The following GPHN variants were observed in gnomAD, a reference collection of about 807,000 sequenced individuals.
The protein encoded by GPHN is gephyrin.
A neutral mutation model predicts 95.5 loss-of-function variants in GPHN; 17 were observed. The ratio of observed to expected loss-of-function variants is 0.18; its 90% CI spans 0.12 to 0.27. The LOEUF (loss-of-function observed/expected upper bound fraction) is 0.27, where lower values mean the gene tolerates loss of function less well. Among genes scored for constraint, GPHN ranks in the 10% least tolerant of loss-of-function variants. The probability of loss-of-function intolerance (pLI) is 1.00; values close to 1 mark genes in which losing one functional copy is unlikely to be tolerated. For missense variants in GPHN, 660 were observed against 978.1 expected (o/e 0.67, Z 4.34); for synonymous variants, 320 against 322.5 (o/e 0.99, Z 0.08).
chr14:67,191,415 A>G, the GPHN span, among the ~76,000 whole-genome samples: 1 of 152,208 alleles, frequency 6.6e-6, no homozygotes, highest in Non-Finnish European at 1.5e-5. Context: ...TGTAGAGGAC[A>G]TTTTAGGGGC....
the GPHN span, among the ~76,000 whole-genome samples, chr14:67,483,207 C>T: frequency 5.8e-4 from 88 of 152,238 alleles, no homozygotes; most frequent in Middle Eastern, 6.8e-3. Context: ...GACGAGGTTT[C>T]ACCATGTTGG....
the GPHN span, chr14:67,270,472 A>G: frequency 6.6e-6 from 1 of 152,084 alleles, no homozygotes; most frequent in South Asian, 2.1e-4. Flanking sequence ...AGTTGAGAAG[A>G]AAAGAATTAG....
chr14:67,538,056 G>C, the GPHN span, among the ~76,000 whole-genome samples: 2 of 152,218 alleles, frequency 1.3e-5, no homozygotes, highest in Admixed American at 1.3e-4. Flanking sequence ...GGGGACAGAG[G>C]GACTTATTGT....
At chr14:66,568,517 T>G in intron 1 of GPHN, among the ~76,000 whole-genome samples, 1 of 152,184 alleles carries the variant, frequency 6.6e-6, no homozygotes, top group South Asian at 2.1e-4. Context: ...TTTTTTATTT[T>G]ATTTTTAAAT....
the GPHN span, among the ~76,000 whole-genome samples, chr14:67,235,410 T>C: frequency 6.6e-6 from 1 of 152,010 alleles, no homozygotes; most frequent in East Asian, 1.9e-4. Context: ...ACCTACATCC[T>C]CTCTCGGAAA....
chr14:66,926,160 A>G (rs573115727), intron 8 of GPHN, among the ~76,000 whole-genome samples: 3 of 152,250 alleles, frequency 2.0e-5, no homozygotes, highest in Admixed American at 1.3e-4. Flanking sequence ...TCTCAGATGC[A>G]TAGTTTGCAA....
At position 67,092,778 on chromosome 14, in the gene GPHN, A is replaced by G. The variant is rs1056184691; in HGVS notation, c.1237+3703A>G. On this transcript the variant is annotated intron_variant, in intron 12 of 22. Transcript: ENST00000478722. ...TAAAACTGCATTCACGTGGGAGTGA[A>G]TTTGAAAGATAAAAGTAGATAAAAT... is the stretch of plus-strand genomic sequence containing the variant. Among the ~76,000 whole-genome samples, 3 of 152,288 alleles carry G rather than the reference A, an allele frequency of 2.0e-5. No individual in the cohort carries two copies. In the East Asian group the frequency reaches 5.8e-4, roughly 29 times the overall value.
intron 2 of GPHN, among the ~76,000 whole-genome samples, chr14:66,746,254 A>C (rs2058144806): frequency 6.6e-6 from 1 of 152,204 alleles, no homozygotes; most frequent in African/African-American, 2.4e-5. Flanking sequence ...AAACCCGCCA[A>C]ACTGTTTTCC....
chr14:67,154,023 T>C (rs551559745), intron 18 of GPHN, among the ~76,000 whole-genome samples: 1 of 152,300 alleles, frequency 6.6e-6, no homozygotes, highest in South Asian at 2.1e-4. Context: ...ATAAAACACT[T>C]TCATTCATTT....
At chr14:67,330,688 C>A in the GPHN span, among the ~76,000 whole-genome samples, 1 of 152,162 alleles carries the variant, frequency 6.6e-6, no homozygotes, top group African/African-American at 2.4e-5. Context: ...AAACTCCCGA[C>A]CTCAGGTGAT....
chr14:67,505,309 G>C, the GPHN span, among the ~76,000 whole-genome samples: 5 of 152,252 alleles, frequency 3.3e-5, no homozygotes, highest in East Asian at 7.7e-4. Flanking sequence ...TGGCCCTCCT[G>C]TCAAGCTGGT....
At chr14:67,244,081 A>G in the GPHN span, among the ~76,000 whole-genome samples, 4 of 152,180 alleles carry the variant, frequency 2.6e-5, no homozygotes, top group African/African-American at 9.7e-5. Context: ...AAATCACTTA[A>G]CTGGCAGGAT....
chr14:67,620,023 C>T, the GPHN span: 1 of 1,611,672 alleles, frequency 6.2e-7, no homozygotes, highest in Non-Finnish European at 8.5e-7. Context: ...GACGCGAGTG[C>T]ATTCCATCCT....
the GPHN span, among the ~76,000 whole-genome samples, chr14:67,349,483 C>T: frequency 1.1e-4 from 16 of 152,164 alleles, no homozygotes; most frequent in African/African-American, 3.9e-4. Context: ...CGTTCAATTC[C>T]TTTACCCTGG....
chr14:67,563,025 C>A, the GPHN span: 2 of 888,846 alleles, frequency 2.3e-6, no homozygotes, highest in Non-Finnish European at 1.7e-6. Flanking sequence ...CAGGCAGGTA[C>A]CATGGAGCCT....
At chr14:66,902,587 G>A (rs117647294) in intron 5 of GPHN, among the ~76,000 whole-genome samples, 2,301 of 152,010 alleles carry the variant, frequency 0.015, 33 homozygotes, top group Non-Finnish European at 0.018. Context: ...AGCATGTTGA[G>A]CTTCATTAAA....
chr14:66,984,601 G>A (rs947295186), intron 9 of GPHN, among the ~76,000 whole-genome samples: 2 of 152,112 alleles, frequency 1.3e-5, no homozygotes, highest in African/African-American at 4.8e-5. Context: ...TTCTAAAAGG[G>A]ATAAGACAAT....
chr14:67,184,692 T>C (rs370200215), downstream of GPHN, among the ~76,000 whole-genome samples: 2 of 152,248 alleles, frequency 1.3e-5, no homozygotes, highest in African/African-American at 4.8e-5. Context: ...AGTGCTAAGA[T>C]AGACATGTCC....
intron 2 of GPHN, among the ~76,000 whole-genome samples, chr14:66,703,963 C>CA (rs147557933): frequency 2.0e-3 from 224 of 110,626 alleles, no homozygotes; most frequent in Middle Eastern, 0.02. Flanking sequence ...AATGGAAAGC[C>CA]AAAAAAAAAA....
Sources: allele counts gnomAD v4.1 joint callset (sites outside exome capture counted in the v4.1 genomes callset), GRCh38; gene constraint gnomAD v4.1.1; transcripts MANE v1.5; gene names NCBI Gene and HGNC (gene_info 2026-07-23, HGNC 2026-07-21).